Variants in NMRAL1 observed in about 807,000 individuals in gnomAD.
The protein encoded by NMRAL1 is nmrA-like family domain-containing protein 1.
NMRAL1 carries 32 observed loss-of-function variants against 27.5 expected under a neutral mutation model. The observed-to-expected ratio is 1.16, with a 90% CI of 0.88 to 1.56. The LOEUF (loss-of-function observed/expected upper bound fraction) is 1.56. Ranked by LOEUF, NMRAL1 falls within the 40% of genes most tolerant of loss-of-function variation. The pLI is 0.00. For missense variants in NMRAL1, 420 were observed against 392.0 expected (o/e 1.07, Z -0.60); for synonymous variants, 166 against 166.8 (o/e 1.00, Z 0.04).
chr16:4,469,495 C>T (rs2057466550), intron 2 of NMRAL1, 30 bp from the exon 3 acceptor site: 1 of 1,606,740 alleles, frequency 6.2e-7, no homozygotes, highest in Non-Finnish European at 8.5e-7. Context: ...CCTCTCAGGT[C>T]AGACCTACCT....
At chr16:4,468,612 T>C (rs2057420006) in intron 3 of NMRAL1, among the ~76,000 whole-genome samples, 1 of 74,308 alleles carries the variant, frequency 1.3e-5, no homozygotes, top group African/African-American at 4.8e-5. Context: ...CAAGACTCAG[T>C]CTCAAAAAAA....
intron 3 of NMRAL1, among the ~76,000 whole-genome samples, chr16:4,468,844 GACAGGTCCAGTC>G (rs1332368577): frequency 1.3e-5 from 2 of 151,848 alleles, no homozygotes; most frequent in Non-Finnish European, 2.9e-5. Context: ...CTACCTGGGT[GACAGGTCCAGTC>G]ACACCCCAGA....
Position 4,466,414 on chromosome 16 carries a change from G to C in NMRAL1, c.280-12C>G. Reference sequence around the variant, plus strand: ...GCGAGCAGCTTCCCCTGGAGGGCAGGGAAGGAGAGATCACAAGGCTCAGAA... The same window carrying C: ...GCGAGCAGCTTCCCCTGGAGGGCAGCGAAGGAGAGATCACAAGGCTCAGAA... On this transcript the variant is annotated splice_polypyrimidine_tract_variant and intron_variant, in intron 3 of 5. Transcript: ENST00000283429. 2 of 1,609,040 alleles carry C rather than the reference G, an allele frequency of 1.2e-6. No individual in the cohort carries two copies. The highest frequency in any genetic ancestry group is 1.7e-6 in the Non-Finnish European group (2 of 1,177,738).
upstream of NMRAL1, among the ~76,000 whole-genome samples, chr16:4,475,754 A>G (rs966158743): frequency 1.3e-4 from 19 of 151,582 alleles, 1 homozygote; most frequent in African/African-American, 4.6e-4. Flanking sequence ...CCTGGCCAAC[A>G]TGGTGAAACC....
chr16:4,468,194 C>T lies in NMRAL1; in HGVS notation c.279+1033G>A, dbSNP rs528136464. 1.4e-4 allele frequency among the ~76,000 whole-genome samples: 21 copies of T among 152,126 alleles called. No individual in the cohort carries two copies. The South Asian group carries it at 4.0e-3, about 29-fold the overall frequency. On this transcript the variant is annotated intron_variant, in intron 3 of 5. Coordinates refer to ENST00000283429, the MANE Select transcript of NMRAL1 (RefSeq NM_020677.6). The stretch of plus-strand genomic sequence containing the variant: ...ACGCATGCATGTAATCTCAGCTATT[C>T]GGGAGGCTGGGGCAGGAGAATAACT...
At chr16:4,474,015 C>G in intron 2 of NMRAL1, 78 bp downstream of exon 2, 1 of 1,194,038 alleles carries the variant, frequency 8.4e-7, no homozygotes, top group Middle Eastern at 2.0e-4. Flanking sequence ...TTACCCCTCC[C>G]TGCAGACCCC....
At chr16:4,468,578 T>C (rs1189207493) in intron 3 of NMRAL1, among the ~76,000 whole-genome samples, 3 of 144,690 alleles carry the variant, frequency 2.1e-5, no homozygotes, top group African/African-American at 8.0e-5. Flanking sequence ...ATCACCCCAC[T>C]GCACTCCGGC....
At chr16:4,468,860 C>A (rs2141444236) in intron 3 of NMRAL1, among the ~76,000 whole-genome samples, 1 of 151,976 alleles carries the variant, frequency 6.6e-6, no homozygotes, top group Admixed American at 6.6e-5. Context: ...TCCAGTCACA[C>A]CCCAGACCTC....
Position 4,461,699 on chromosome 16 carries a change from G to A in NMRAL1, c.*81C>T. The A allele has an allele frequency of 7.5e-7, 1 of 1,335,174 alleles. No individual in the cohort carries two copies. 82.7% of individuals were successfully genotyped at this position (1,335,174 alleles called of 1,614,324 possible). A position where few individuals can be genotyped will look rare whatever the true frequency, so the allele number is the denominator to read the frequency against. The stretch of plus-strand genomic sequence containing the variant: ...CTCTTCTCCTGGAAGCCATCTGGGA[G>A]AACAATGGCTTTATTCAGATGTTGG... On this transcript the variant is annotated 3_prime_UTR_variant, in exon 6 of 6. Transcript: ENST00000283429.
rs746995388 is a variant in NMRAL1, at chr16:4,463,654, G to A, written c.720+6C>T. The stretch of plus-strand genomic sequence containing the variant: ...ATGCCTGAGTCACCTGGGGCGGGAG[G>A]CCCACCTTGGCATCGTGCACGACCT... On this transcript the variant is annotated splice_donor_region_variant and intron_variant, in intron 5 of 5. Coordinates refer to ENST00000283429, the MANE Select transcript of NMRAL1 (RefSeq NM_020677.6). The A allele has an allele frequency of 6.2e-7, 1 of 1,612,332 alleles. No individual in the cohort carries two copies. The highest frequency in any genetic ancestry group is 8.5e-7 in the Non-Finnish European group (1 of 1,179,808).
intron 5 of NMRAL1, among the ~76,000 whole-genome samples, chr16:4,462,965 T>C (rs545975999): frequency 6.6e-6 from 1 of 151,948 alleles, no homozygotes; most frequent in South Asian, 2.1e-4. Flanking sequence ...AGCGATTCTC[T>C]TGCCTCAGCC....
chr16:4,464,851 C>T (rs1251677621), intron 4 of NMRAL1, among the ~76,000 whole-genome samples: 2 of 151,790 alleles, frequency 1.3e-5, no homozygotes, highest in Non-Finnish European at 2.9e-5. Flanking sequence ...TCCTGAACCT[C>T]GTGATCCGCC....
At chr16:4,472,643 G>T (rs950313188) in intron 2 of NMRAL1, among the ~76,000 whole-genome samples, 1 of 151,190 alleles carries the variant, frequency 6.6e-6, no homozygotes, top group East Asian at 1.9e-4. Context: ...ACTCAGGAGG[G>T]TGAGACAGGA....
chr16:4,469,387 C>G lies in NMRAL1; in HGVS notation c.119G>C (p.Arg40Thr), dbSNP rs781096149. 4.0e-5 allele frequency: 64 copies of G among 1,614,114 alleles called. No homozygotes were observed. The African/African-American group carries it at 6.4e-4, about 16-fold the overall frequency. ...FKVRVVTRNP[R>T]KKAAKELRLQ... ...CCTCAGCTCCTTTGCTGCCTTCTTC[C>G]TAGGGTTTCGGGTCACCACTCGAAC... The change falls in exon 3 of 6, where the codon AGG (arginine) becomes ACG (threonine). Residue 40 changes from arginine to threonine, a missense_variant. Coordinates refer to ENST00000283429, the MANE Select transcript of NMRAL1 (RefSeq NM_020677.6).
chr16:4,472,233 G>C (rs1030840775), intron 2 of NMRAL1, among the ~76,000 whole-genome samples: 12 of 152,206 alleles, frequency 7.9e-5, no homozygotes, highest in African/African-American at 2.7e-4. Context: ...AAAGCTGTCA[G>C]GAGTTCGAGA....
At chr16:4,469,175 C>G in intron 3 of NMRAL1, 52 bp downstream of exon 3, 1 of 1,264,390 alleles carries the variant, frequency 7.9e-7, no homozygotes, top group Non-Finnish European at 1.2e-6. Context: ...TCCTCCCAGG[C>G]GCTCTGCTCC....
At chr16:4,467,390 T>C (rs753341883) in intron 3 of NMRAL1, among the ~76,000 whole-genome samples, 2 of 151,810 alleles carry the variant, frequency 1.3e-5, no homozygotes, top group Non-Finnish European at 2.9e-5. Flanking sequence ...CCCGCCACCA[T>C]GCCTGGCTAA....
chr16:4,469,215 G>T lies in NMRAL1; in HGVS notation c.279+12C>A. 1.9e-6 allele frequency: 3 copies of T among 1,597,730 alleles called. No individual in the cohort carries two copies. Among genetic ancestry groups the T allele is most frequent in the Admixed American group, 1.7e-5 (1 of 60,000 alleles). On this transcript the variant is annotated intron_variant, in intron 3 of 5. Transcript: ENST00000283429. ...CTGGCCGGGCCTCCCTGCAGCTCCT[G>T]CCTGCCCTCACCTGCTTGACCTCCT...
rs114557561 is a variant in NMRAL1 at position 4,466,195 on chromosome 16, A to T, written c.487T>A (p.Phe163Ile). ...CCGTCTGGGGCTTTCTGGGGCAAGA[A>T]GTGGGAGAGGAGGTTCTCAAAATAG... ...PCYFENLLSH[F>I]LPQKAPDGKS... The change falls in exon 4 of 6, where the codon TTC (phenylalanine) becomes ATC (isoleucine). Residue 163 changes from phenylalanine (F) to isoleucine (I), a missense_variant. Transcript: ENST00000283429. 1,180 of 1,614,194 alleles carry T rather than the reference A, an allele frequency of 7.3e-4. 10 individuals are homozygous for T. In the African/African-American group the frequency reaches 0.013, roughly 18 times the overall value.
Sources: allele counts gnomAD v4.1 joint callset (sites outside exome capture counted in the v4.1 genomes callset), GRCh38; gene constraint gnomAD v4.1.1; transcripts MANE v1.5; gene names NCBI Gene and HGNC (gene_info 2026-07-23, HGNC 2026-07-21).